The following SUCO variants were observed in gnomAD, a reference collection of about 807,000 sequenced individuals.
SUCO encodes the protein SUN domain containing ossification factor.
A neutral mutation model predicts 148.1 loss-of-function variants in SUCO; 57 were observed. The observed-to-expected ratio is 0.38, with a 90% CI of 0.31 to 0.48. The LOEUF is 0.48. Among genes scored for constraint, SUCO ranks in the 20% least tolerant of loss-of-function variants. The probability of loss-of-function intolerance (pLI) is 0.96; values close to 1 mark genes in which losing one functional copy is unlikely to be tolerated. For missense variants in SUCO, 1,331 were observed against 1,468.2 expected (o/e 0.91, Z 1.53); for synonymous variants, 470 against 502.7 (o/e 0.93, Z 0.87).
chr1:172,532,383 G>T (rs921540108), upstream of SUCO: 6 of 974,062 alleles, frequency 6.2e-6, no homozygotes, highest in Non-Finnish European at 9.0e-6. Context: ...GAAAAGCAAC[G>T]AAGCACACTT....
intron 17 of SUCO, chr1:172,588,088 A>ATT: frequency 1.0e-6 from 1 of 985,294 alleles, no homozygotes; most frequent in Non-Finnish European, 1.2e-6. Context: ...GGCTTAGAAG[A>ATT]TTAGCCTAGA....
intron 4 of SUCO, 97 bp from the exon 5 acceptor site, chr1:172,557,183 T>C: frequency 6.9e-7 from 1 of 1,442,168 alleles, no homozygotes; most frequent in Non-Finnish European, 9.2e-7. Flanking sequence ...CTTTCTTTGG[T>C]TTACATTATG....
intron 6 of SUCO, among the ~76,000 whole-genome samples, chr1:172,560,388 A>G (rs1382727104): frequency 6.6e-6 from 1 of 152,216 alleles, no homozygotes; most frequent in East Asian, 1.9e-4. Context: ...AGTTGTTCAT[A>G]TAGGTGCAGC....
intron 15 of SUCO, among the ~76,000 whole-genome samples, chr1:172,580,120 G>C (rs1294880609): frequency 6.6e-6 from 1 of 152,024 alleles, no homozygotes; most frequent in African/African-American, 2.4e-5. Context: ...ACAGTATATA[G>C]AGTTAAAATT....
intron 1 of SUCO, among the ~76,000 whole-genome samples, chr1:172,550,208 T>A (rs1653185392): frequency 1.3e-5 from 2 of 152,000 alleles, no homozygotes. Context: ...TGGCTTGTTA[T>A]ATAAAAAGTC....
At chr1:172,556,521 C>A in intron 4 of SUCO, 2 of 751,842 alleles carry the variant, frequency 2.7e-6, no homozygotes, top group Non-Finnish European at 1.6e-6. Context: ...CTTCTTCCTG[C>A]AGCAGTCCAA....
chr1:172,535,637 A>G (rs1476595555), intron 1 of SUCO, among the ~76,000 whole-genome samples: 2 of 152,190 alleles, frequency 1.3e-5, no homozygotes, highest in African/African-American at 4.8e-5. Flanking sequence ...GGGTTAGATA[A>G]AACGTTTGCA....
intron 2 of SUCO, chr1:172,551,890 G>A: frequency 4.1e-6 from 1 of 245,442 alleles, no homozygotes; most frequent in Non-Finnish European, 7.8e-6. Flanking sequence ...AGCTGAAAAT[G>A]AGTGATTTGT....
Position 172,555,894 on chromosome 1 carries a change from CA to C in SUCO, c.315del (p.Pro106ArgfsTer45). The C allele has an allele frequency of 6.2e-7, 1 of 1,611,498 alleles. No individual in the cohort carries two copies. ...AATACAGAGTCAAAAAAGTTAAGTCCACCGGTGGTGGAGACACTCCCTACAG... is the reference window on the plus strand; with the variant it reads ...AATACAGAGTCAAAAAAGTTAAGTCCCCGGTGGTGGAGACACTCCCTACAG... ...VQNTESKKLS[P>X]PVVETLPTVD... On this transcript the variant is annotated frameshift_variant, in exon 4 of 24. Transcript: ENST00000263688. LOFTEE classifies it high-confidence loss of function.
At chr1:172,586,536 G>A (rs1322121046) in intron 17 of SUCO, among the ~76,000 whole-genome samples, 3 of 151,966 alleles carry the variant, frequency 2.0e-5, no homozygotes, top group Non-Finnish European at 2.9e-5. Flanking sequence ...ACTTTAGTTG[G>A]TACCTCTACT....
Position 172,602,186 on chromosome 1 carries a change from T to A in SUCO, c.3141T>A (p.Leu1047=). Residue 1047 remains leucine, a synonymous_variant, in exon 21 of 24, where the codon CTT becomes CTA. Transcript: ENST00000263688. The part of the protein sequence containing the change: ...SQFDGDYISK[L]PKSNQYPSPK... The stretch of plus-strand genomic sequence containing the variant: ...TTGATGGAGATTATATTTCAAAACT[T>A]CCTAAAAGTAATCAGTATCCAAGCC... 6.2e-7 allele frequency: 1 copy of A among 1,613,086 alleles called. No homozygotes were observed. Among genetic ancestry groups the A allele is most frequent in the East Asian group, 2.2e-5 (1 of 44,794 alleles).
At chr1:172,533,528 G>T (rs1208261722) in intron 1 of SUCO, 31 bp downstream of exon 1, 4 of 1,513,934 alleles carry the variant, frequency 2.6e-6, no homozygotes, top group Middle Eastern at 3.4e-4. Context: ...GGGAGTTCCC[G>T]TGAGGGGAGT....
chr1:172,600,005 T>A, intron 19 of SUCO, 59 bp from the exon 20 acceptor site: 2 of 1,162,358 alleles, frequency 1.7e-6, no homozygotes, highest in South Asian at 3.1e-5. Flanking sequence ...TTGACTTCAA[T>A]TTATAATGTT....
At chr1:172,589,984 A>G in intron 18 of SUCO, 58 bp downstream of exon 18, 2 of 1,354,360 alleles carry the variant, frequency 1.5e-6, no homozygotes, top group Non-Finnish European at 2.0e-6. Context: ...AGCAGCATAG[A>G]GTATGACCTG....
intron 1 of SUCO, among the ~76,000 whole-genome samples, chr1:172,546,972 C>T (rs931102021): frequency 3.9e-5 from 6 of 152,164 alleles, no homozygotes; most frequent in African/African-American, 1.4e-4. Context: ...AGTTTTGACA[C>T]ATGCATACAC....
chr1:172,585,697 A>G (rs1163723473), intron 16 of SUCO, among the ~76,000 whole-genome samples, 161 bp from the exon 17 acceptor site: 1 of 152,210 alleles, frequency 6.6e-6, no homozygotes, highest in African/African-American at 2.4e-5. Flanking sequence ...ATCTTATATG[A>G]TCATTTCTTC....
At chr1:172,557,099 GGTAA>G in intron 4 of SUCO, 177 bp from the exon 5 acceptor site, 2 of 980,510 alleles carry the variant, frequency 2.0e-6, no homozygotes, top group Non-Finnish European at 2.4e-6. Context: ...CCTCATATTT[GGTAA>G]GTAGTTATTT....
chr1:172,610,212 A>G lies in SUCO; in HGVS notation c.3718A>G (p.Ile1240Val). Residue 1240 changes from isoleucine (I) to valine (V), a missense_variant, in exon 24 of 24, where the codon ATC becomes GTC. Around this residue, in one of 3 missense-constraint regions of SUCO, gnomAD observed 334 missense variants for 352.3 expected, o/e 0.95. Transcript: ENST00000263688. ...LHDIIKGNKE[I>V]TVGTFGVTAV... The stretch of plus-strand genomic sequence containing the variant: ...TGACATAATCAAAGGAAACAAAGAG[A>G]TCACCGTGGGAACATTTGGTGTTAC... 6.2e-7 allele frequency: 1 copy of G among 1,610,830 alleles called. No homozygotes were observed. Among genetic ancestry groups the G allele is most frequent in the African/African-American group, 1.3e-5 (1 of 74,744 alleles).
intron 11 of SUCO, among the ~76,000 whole-genome samples, chr1:172,576,624 G>T (rs886496523): frequency 2.0e-5 from 3 of 151,514 alleles, no homozygotes; most frequent in African/African-American, 7.3e-5. Context: ...AGGCAAAAAC[G>T]TTAAAAATCA....
Sources: allele counts gnomAD v4.1 joint callset (sites outside exome capture counted in the v4.1 genomes callset), GRCh38; gene constraint gnomAD v4.1.1; regional missense constraint gnomAD v4.1.1; transcripts MANE v1.5; gene names NCBI Gene and HGNC (gene_info 2026-07-23, HGNC 2026-07-21).